Variants in TMEM196 observed in about 807,000 individuals in gnomAD.
TMEM196 encodes transmembrane protein 196.
In TMEM196, 17 loss-of-function variants were observed where a neutral mutation model predicts 20.0. The observed-to-expected ratio is 0.85, with a 90% confidence interval of 0.58 to 1.27. The LOEUF (loss-of-function observed/expected upper bound fraction) is 1.27, where lower values mean the gene tolerates loss of function less well. Among genes scored for constraint, TMEM196 ranks in the 50% most tolerant of loss-of-function variants. The probability of loss-of-function intolerance (pLI) is 0.00; values close to 1 mark genes in which losing one functional copy is unlikely to be tolerated. For missense variants in TMEM196, 267 were observed against 223.0 expected (o/e 1.20, Z -1.26); for synonymous variants, 113 against 88.9 (o/e 1.27, Z -1.52).
At chr7:19,758,386 A>G (rs772640449) in intron 1 of TMEM196, among the ~76,000 whole-genome samples, 12 of 152,198 alleles carry the variant, frequency 7.9e-5, no homozygotes, top group Non-Finnish European at 2.9e-5. Flanking sequence ...ATGGCTTAGC[A>G]CTGCTAATAA....
chr7:19,756,615 C>T (rs926308110), intron 1 of TMEM196, among the ~76,000 whole-genome samples: 3 of 137,866 alleles, frequency 2.2e-5, no homozygotes, highest in Non-Finnish European at 4.8e-5. Context: ...GAGCTAATGT[C>T]TTATTAGCTC....
intron 1 of TMEM196, among the ~76,000 whole-genome samples, chr7:19,748,981 T>G (rs536068913): frequency 6.6e-6 from 1 of 152,216 alleles, no homozygotes; most frequent in Non-Finnish European, 1.5e-5. Flanking sequence ...ATTTTATTCT[T>G]AAACTAGAAA....
chr7:19,736,353 C>CTATATATATATATATA (rs71017071), intron 1 of TMEM196, among the ~76,000 whole-genome samples: 3 of 37,994 alleles, frequency 7.9e-5, no homozygotes, highest in South Asian at 9.8e-4. Context: ...GTGGTTCCTA[C>CTATATATATATATATA]TATATATATA....
chr7:19,769,447 G>T (rs1053776692), intron 1 of TMEM196, among the ~76,000 whole-genome samples: 5 of 151,900 alleles, frequency 3.3e-5, no homozygotes, highest in Admixed American at 3.3e-4. Context: ...CTAAGCCCCA[G>T]AAAAATGGAA....
At chr7:19,757,155 A>G (rs1228840461) in intron 1 of TMEM196, among the ~76,000 whole-genome samples, 1 of 149,324 alleles carries the variant, frequency 6.7e-6, no homozygotes, top group East Asian at 2.0e-4. Flanking sequence ...CAAAACTTGC[A>G]TCTTATATTG....
At chr7:19,750,503 A>T (rs1434753894) in intron 1 of TMEM196, among the ~76,000 whole-genome samples, 1 of 152,074 alleles carries the variant, frequency 6.6e-6, no homozygotes, top group Non-Finnish European at 1.5e-5. Context: ...CGTATCTCAC[A>T]AGAACTCCTT....
intron 1 of TMEM196, among the ~76,000 whole-genome samples, chr7:19,752,081 G>A (rs1482576772): frequency 6.6e-6 from 1 of 152,192 alleles, no homozygotes; most frequent in African/African-American, 2.4e-5. Flanking sequence ...AAAGCATAAT[G>A]TTATATTCAG....
chr7:19,725,864 T>A, intron 2 of TMEM196, 96 bp from the exon 3 acceptor site: 1 of 1,392,706 alleles, frequency 7.2e-7, no homozygotes, highest in Non-Finnish European at 9.6e-7. Flanking sequence ...ATGACTAGCC[T>A]ACAATAAAGA....
At chr7:19,743,504 T>C (rs932164061) in intron 1 of TMEM196, among the ~76,000 whole-genome samples, 2 of 152,170 alleles carry the variant, frequency 1.3e-5, no homozygotes, top group African/African-American at 4.8e-5. Context: ...ATAAATATTT[T>C]GGATCAGGTA....
chr7:19,724,821 T>C (rs1341400775), intron 3 of TMEM196, among the ~76,000 whole-genome samples: 1 of 152,176 alleles, frequency 6.6e-6, no homozygotes, highest in Admixed American at 6.5e-5. Context: ...CTCTACTAGA[T>C]CCAGTAGGAG....
In TMEM196 at chr7:19,725,495, G is replaced by C. The variant is rs777363408; in HGVS notation, c.459+19C>G. 1.3e-6 allele frequency: 2 copies of C among 1,592,894 alleles called. No individual in the cohort carries two copies. Among genetic ancestry groups the C allele is most frequent in the South Asian group, 1.1e-5 (1 of 90,108 alleles). ...CTTCATCATGTGCTAGCAGTGAGAG[G>C]AAAAGGTACAAAACTCACTTTCTCA... is the stretch of plus-strand genomic sequence containing the variant. On this transcript the variant is annotated intron_variant, in intron 3 of 4. Coordinates refer to ENST00000405844, the MANE Select transcript of TMEM196 (RefSeq NM_001363562.2).
intron 1 of TMEM196, among the ~76,000 whole-genome samples, chr7:19,756,007 G>T (rs1785194161): frequency 6.7e-6 from 1 of 149,032 alleles, no homozygotes; most frequent in South Asian, 2.1e-4. Flanking sequence ...CCAGCCTCCA[G>T]CCTGGACAGC....
intron 1 of TMEM196, among the ~76,000 whole-genome samples, chr7:19,742,323 G>A (rs913009286): frequency 2.6e-5 from 4 of 152,034 alleles, no homozygotes; most frequent in Non-Finnish European, 4.4e-5. Context: ...ACTGGTCTTC[G>A]AAGGACTATA....
chr7:19,772,556 C>T lies in TMEM196; in HGVS notation c.141G>A (p.Ser47=). Residue 47 remains serine, a synonymous_variant, in exon 1 of 5, where the codon TCG becomes TCA. Coordinates refer to ENST00000405844, the MANE Select transcript of TMEM196 (RefSeq NM_001363562.2). ...CACACACCCCGCTCCATACCGGGGA[C>T]GAGTCTCCGAGCTGCGGCTTGTGCT... The part of the protein sequence containing the change: ...LREHKPQLGD[S]SPFLLCGICG... The T allele has an allele frequency of 6.5e-7, 1 of 1,542,634 alleles. No homozygotes were observed. The highest frequency in any genetic ancestry group is 2.0e-5 in the Admixed American group (1 of 49,932).
chr7:19,766,144 G>A (rs1368146824), intron 1 of TMEM196, among the ~76,000 whole-genome samples: 1 of 152,126 alleles, frequency 6.6e-6, no homozygotes, highest in East Asian at 1.9e-4. Context: ...CTGTGATTTG[G>A]TGAAGAAATA....
intron 1 of TMEM196, among the ~76,000 whole-genome samples, chr7:19,732,197 G>C (rs898765758): frequency 2.6e-5 from 4 of 152,224 alleles, no homozygotes; most frequent in Non-Finnish European, 5.9e-5. Context: ...GGTCCAGAGA[G>C]TTAGTGACTT....
At chr7:19,765,102 A>G (rs1293915780) in intron 1 of TMEM196, among the ~76,000 whole-genome samples, 1 of 150,250 alleles carries the variant, frequency 6.7e-6, no homozygotes, top group Non-Finnish European at 1.5e-5. Context: ...CACATTTTTC[A>G]TAAAGTTGTT....
Position 19,725,737 on chromosome 7 carries a change from C to T in TMEM196, c.236G>A (p.Gly79Glu). ...MILFSACCICGLIGGILNFQF... is the reference protein window; with the variant it reads ...MILFSACCICELIGGILNFQF... ...AAAATTCAGGATGCCCCCAATAAGT[C>T]CACAGATACAGCAGGCTGAAAAGAG... Residue 79 changes from glycine (G) to glutamate (E), a missense_variant, in exon 3 of 5, where the codon GGA (glycine) becomes GAA (glutamate). Gly to Glu is a moderately conservative substitution (Grantham distance 98). Transcript: ENST00000405844. 1 of 1,610,520 alleles carries T rather than the reference C, an allele frequency of 6.2e-7. No individual in the cohort carries two copies. The highest frequency in any genetic ancestry group is 8.5e-7 in the Non-Finnish European group (1 of 1,177,370).
At chr7:19,769,318 GTAT>G (rs144018392) in intron 1 of TMEM196, among the ~76,000 whole-genome samples, 1 of 151,542 alleles carries the variant, frequency 6.6e-6, no homozygotes, top group Non-Finnish European at 1.5e-5. Flanking sequence ...GTAAGAATGG[GTAT>G]TATTATTATT....
Sources: gnomAD v4.1 joint callset for allele counts (sites outside exome capture counted in the v4.1 genomes callset) on GRCh38, gnomAD v4.1.1 for gene constraint, MANE v1.5 for transcripts, NCBI Gene and HGNC (gene_info 2026-07-23, HGNC 2026-07-21) for gene names.